The following SLC35F3 variants were observed in gnomAD, a reference collection of about 807,000 sequenced individuals.
The protein encoded by SLC35F3 is putative thiamine transporter SLC35F3.
SLC35F3 carries 25 observed loss-of-function variants against 49.9 expected under a neutral mutation model. The ratio of observed to expected loss-of-function variants is 0.50; its 90% confidence interval spans 0.37 to 0.70. SLC35F3 has a LOEUF of 0.70. Ranked by LOEUF, SLC35F3 falls within the 30% of genes least tolerant of loss-of-function variation. The pLI is 0.00. For missense variants in SLC35F3, 525 were observed against 639.8 expected (o/e 0.82, Z 1.94); for synonymous variants, 275 against 265.4 (o/e 1.04, Z -0.35).
At chr1:234,290,765 A>T (rs1055831417) in intron 3 of SLC35F3, among the ~76,000 whole-genome samples, 2 of 152,220 alleles carry the variant, frequency 1.3e-5, no homozygotes, top group Non-Finnish European at 2.9e-5. Flanking sequence ...AGGTTGAGAG[A>T]CTTGTTAGAG....
chr1:234,218,158 G>A (rs1667151368), intron 2 of SLC35F3, among the ~76,000 whole-genome samples: 1 of 152,238 alleles, frequency 6.6e-6, no homozygotes, highest in Admixed American at 6.5e-5. Flanking sequence ...TTCAGAAGCA[G>A]AGCATTGGTC....
At chr1:234,102,355 G>A (rs1665226802) in intron 2 of SLC35F3, among the ~76,000 whole-genome samples, 2 of 152,168 alleles carry the variant, frequency 1.3e-5, no homozygotes, top group Non-Finnish European at 2.9e-5. Flanking sequence ...GTGTTTGTGT[G>A]TGTGTGTATT....
At chr1:234,300,605 A>G (rs1668677823) in intron 3 of SLC35F3, among the ~76,000 whole-genome samples, 1 of 152,250 alleles carries the variant, frequency 6.6e-6, no homozygotes, top group African/African-American at 2.4e-5. Flanking sequence ...ATAAAGTGCA[A>G]TTACAATAAG....
At chr1:234,161,262 CTTTACAGA>C (rs1410301806) in intron 2 of SLC35F3, among the ~76,000 whole-genome samples, 2 of 152,200 alleles carry the variant, frequency 1.3e-5, no homozygotes, top group East Asian at 3.8e-4. Flanking sequence ...ATGATCCCAA[CTTTACAGA>C]TGGAGGAAAG....
chr1:233,913,712 T>C (rs1320783775), intron 2 of SLC35F3, among the ~76,000 whole-genome samples: 2 of 152,234 alleles, frequency 1.3e-5, no homozygotes, highest in Non-Finnish European at 2.9e-5. Context: ...AGAATTATCC[T>C]GCATAGAAAC....
chr1:233,944,359 A>G (rs1457624061), intron 2 of SLC35F3, among the ~76,000 whole-genome samples: 1 of 152,202 alleles, frequency 6.6e-6, no homozygotes. Context: ...TTTAATATAT[A>G]TATGTATATA....
chr1:234,058,095 A>G (rs1664481870), intron 2 of SLC35F3, among the ~76,000 whole-genome samples: 1 of 152,068 alleles, frequency 6.6e-6, no homozygotes, highest in African/African-American at 2.4e-5. Flanking sequence ...ACATACCCTT[A>G]TCAGGGTGAT....
chr1:233,922,643 T>G (rs1396855656), intron 2 of SLC35F3, among the ~76,000 whole-genome samples: 1 of 152,168 alleles, frequency 6.6e-6, no homozygotes. Context: ...CAGCAACTCT[T>G]TAGTTTAATT....
intron 2 of SLC35F3, among the ~76,000 whole-genome samples, chr1:234,144,885 G>A (rs901271998): frequency 3.3e-5 from 5 of 152,174 alleles, no homozygotes; most frequent in African/African-American, 1.2e-4. Context: ...CAGCCAAGAG[G>A]ACAAGGAATA....
At chr1:234,124,725 G>A (rs977216964) in intron 2 of SLC35F3, among the ~76,000 whole-genome samples, 3 of 152,070 alleles carry the variant, frequency 2.0e-5, no homozygotes, top group Non-Finnish European at 2.9e-5. Flanking sequence ...AAAATTATCC[G>A]AGCATGGTAC....
At chr1:233,919,302 A>C (rs1302374397) in intron 2 of SLC35F3, among the ~76,000 whole-genome samples, 1 of 152,180 alleles carries the variant, frequency 6.6e-6, no homozygotes, top group African/African-American at 2.4e-5. Context: ...AACCACACTT[A>C]GTGCCATCTT....
At chr1:233,938,603 A>T (rs1662370566) in intron 2 of SLC35F3, among the ~76,000 whole-genome samples, 1 of 152,184 alleles carries the variant, frequency 6.6e-6, no homozygotes, top group Non-Finnish European at 1.5e-5. Flanking sequence ...CGAAGAGCTA[A>T]CAATGGATGG....
intron 3 of SLC35F3, among the ~76,000 whole-genome samples, chr1:234,280,313 C>T (rs139616623): frequency 0.014 from 2,122 of 152,348 alleles, 25 homozygotes; most frequent in African/African-American, 0.018. Context: ...TTCTTGCTGA[C>T]CATCTGCTCT....
intron 2 of SLC35F3, among the ~76,000 whole-genome samples, chr1:234,166,628 C>T (rs1284844388): frequency 6.6e-6 from 1 of 152,114 alleles, no homozygotes; most frequent in African/African-American, 2.4e-5. Flanking sequence ...GACCAGGTGG[C>T]CCAAGGGCTG....
intron 3 of SLC35F3, among the ~76,000 whole-genome samples, chr1:234,238,223 C>T (rs1204441756): frequency 6.6e-6 from 1 of 152,144 alleles, no homozygotes; most frequent in Non-Finnish European, 1.5e-5. Flanking sequence ...CATGTATAGC[C>T]AGGAGATTTT....
chr1:234,120,911 G>T (rs1665560805), intron 2 of SLC35F3, among the ~76,000 whole-genome samples: 1 of 152,128 alleles, frequency 6.6e-6, no homozygotes, highest in Non-Finnish European at 1.5e-5. Flanking sequence ...CTAATGCCTT[G>T]AAATGTTTTT....
intron 2 of SLC35F3, among the ~76,000 whole-genome samples, chr1:233,916,925 G>A (rs1437179397): frequency 1.3e-5 from 2 of 150,696 alleles, no homozygotes; most frequent in Admixed American, 1.3e-4. Flanking sequence ...ACCAACTGTT[G>A]AATGTAAATT....
At chr1:234,169,430 A>G (rs12407257) in intron 2 of SLC35F3, among the ~76,000 whole-genome samples, 19,752 of 152,236 alleles carry the variant, frequency 0.13, 3,283 homozygotes, top group East Asian at 0.84. Context: ...TGACAAGGAC[A>G]AAGCGTTCCC....
chr1:234,099,625 A>AC (rs1665185293), intron 2 of SLC35F3, among the ~76,000 whole-genome samples: 1 of 150,294 alleles, frequency 6.7e-6, no homozygotes, highest in East Asian at 1.9e-4. Context: ...AAAAAAAAAA[A>AC]AACAAAAAAA....
Sources: gnomAD v4.1 joint callset for allele counts (sites outside exome capture counted in the v4.1 genomes callset) on GRCh38, gnomAD v4.1.1 for gene constraint, MANE v1.5 for transcripts, NCBI Gene and HGNC (gene_info 2026-07-23, HGNC 2026-07-21) for gene names.